The following RUVBL1 variants were observed in gnomAD, a reference collection of about 807,000 sequenced individuals.
RUVBL1 encodes the protein RuvB like AAA ATPase 1.
Under a neutral mutation model 52.4 loss-of-function variants are expected in RUVBL1, and 4 were observed. The ratio of observed to expected loss-of-function variants is 0.08; its 90% confidence interval spans 0.04 to 0.17. The LOEUF is 0.17. Ranked by LOEUF, RUVBL1 falls within the 10% of genes least tolerant of loss-of-function variation. RUVBL1 has a pLI of 1.00. For missense variants in RUVBL1, 298 were observed against 572.8 expected (o/e 0.52, Z 4.90); for synonymous variants, 217 against 214.4 (o/e 1.01, Z -0.10).
intron 2 of RUVBL1, among the ~76,000 whole-genome samples, chr3:128,115,853 C>T (rs1444628356): frequency 1.3e-5 from 2 of 152,138 alleles, no homozygotes; most frequent in Non-Finnish European, 2.9e-5. Flanking sequence ...GGACTGGGCA[C>T]GGTGGCTCAA....
chr3:128,151,881 G>T (rs1944222846), intron 1 of RUVBL1, among the ~76,000 whole-genome samples: 1 of 152,144 alleles, frequency 6.6e-6, no homozygotes, highest in African/African-American at 2.4e-5. Context: ...AGAGGGCAAA[G>T]GTAAGATCCT....
At position 128,064,959 on chromosome 3, in the gene RUVBL1, G is replaced by A. The variant is rs780054083; in HGVS notation, c.*253C>T. On this transcript the variant is annotated 3_prime_UTR_variant, in exon 10 of 10. Coordinates refer to the RUVBL1 transcript ENST00000464873. ...ACAAGGTCCGAGCCCTTCGGGAGGCGTTCTACCGCCAGAATCTTCCCAACC... is the reference window on the plus strand; with the variant it reads ...ACAAGGTCCGAGCCCTTCGGGAGGCATTCTACCGCCAGAATCTTCCCAACC... The A allele has an allele frequency of 2.7e-5, 43 of 1,614,090 alleles. No individual in the cohort carries two copies. The highest frequency in any genetic ancestry group is 1.6e-4 in the Middle Eastern group (1 of 6,084).
At chr3:128,126,308 G>T (rs1943790986), upstream of RUVBL1, among the ~76,000 whole-genome samples, 1 of 152,076 alleles carries the variant, frequency 6.6e-6, no homozygotes, top group African/African-American at 2.4e-5. Flanking sequence ...CACTCTGGGA[G>T]GCCGAGGCAG....
intron 1 of RUVBL1, among the ~76,000 whole-genome samples, chr3:128,149,110 C>T (rs991147490): frequency 1.3e-5 from 2 of 150,366 alleles, no homozygotes; most frequent in African/African-American, 4.9e-5. Flanking sequence ...TTTCTTTCTT[C>T]TTTTCCTTTC....
intron 1 of RUVBL1, among the ~76,000 whole-genome samples, chr3:128,149,611 T>C (rs1264321174): frequency 1.3e-5 from 2 of 152,250 alleles, no homozygotes. Flanking sequence ...TGCCTTTTCA[T>C]GAAGACTACT....
chr3:128,153,295 C>A (rs1944282864), exon 1 of RUVBL1: 1 of 1,358,408 alleles, frequency 7.4e-7, no homozygotes, highest in Admixed American at 3.9e-5. Context: ...GAGAGAGAAA[C>A]CCTGCCTACG....
At chr3:128,113,681 AG>A (rs759267878) in intron 2 of RUVBL1, among the ~76,000 whole-genome samples, 197 of 152,034 alleles carry the variant, frequency 1.3e-3, no homozygotes, top group Non-Finnish European at 2.1e-3. Context: ...TTTTTTCCTG[AG>A]TATTTTTGAT....
intron 2 of RUVBL1, among the ~76,000 whole-genome samples, chr3:128,117,476 A>T (rs4857837): frequency 6.6e-6 from 1 of 152,164 alleles, no homozygotes; most frequent in East Asian, 1.9e-4. Flanking sequence ...AGACGTTGTC[A>T]AAGTCCCCTG....
intron 1 of RUVBL1, among the ~76,000 whole-genome samples, chr3:128,147,655 G>A (rs1043967662): frequency 1.3e-5 from 2 of 152,116 alleles, no homozygotes; most frequent in Admixed American, 6.5e-5. Context: ...ACATTGCTGC[G>A]GGAATGTAAA....
exon 1 of RUVBL1, chr3:128,153,739 G>C: frequency 6.5e-7 from 1 of 1,538,552 alleles, no homozygotes; most frequent in East Asian, 2.5e-5. Flanking sequence ...GCCCGAGGCC[G>C]AGCCCGAGCC....
chr3:128,114,999 T>C (rs533136439), intron 2 of RUVBL1, among the ~76,000 whole-genome samples: 1 of 148,736 alleles, frequency 6.7e-6, no homozygotes, highest in African/African-American at 2.5e-5. Flanking sequence ...ATATGATAAA[T>C]ACTTGGTTAA....
intron 1 of RUVBL1, among the ~76,000 whole-genome samples, chr3:128,151,295 T>C (rs1944208065): frequency 6.8e-6 from 1 of 146,476 alleles, no homozygotes; most frequent in African/African-American, 2.5e-5. Context: ...ATATAAACTA[T>C]ATCAAGTGAT....
chr3:128,133,564 G>T (rs1178576975), intron 1 of RUVBL1, among the ~76,000 whole-genome samples: 1 of 152,204 alleles, frequency 6.6e-6, no homozygotes, highest in East Asian at 1.9e-4. Context: ...TTGTTCCTGG[G>T]AAAGTACGGG....
chr3:128,106,467 C>G lies in RUVBL1; in HGVS notation c.362-1543G>C, dbSNP rs142108670. On this transcript the variant is annotated intron_variant, in intron 3 of 10. Coordinates refer to ENST00000322623, the MANE Select transcript of RUVBL1 (RefSeq NM_003707.3). Reference sequence around the variant, plus strand: ...CTCAGTTTAAAACGTATCCCCCCCCCCTTCACACATTCTTCTTCCTCATCC... The same window carrying G: ...CTCAGTTTAAAACGTATCCCCCCCCGCTTCACACATTCTTCTTCCTCATCC... Among the ~76,000 whole-genome samples, 453 of 152,074 alleles carry G rather than the reference C, an allele frequency of 3.0e-3. 1 individual carries two copies. The highest frequency in any genetic ancestry group is 9.3e-3 in the African/African-American group (386 of 41,484).
Position 128,081,081 on chromosome 3 carries a change from G to A in RUVBL1, c.*169C>T, listed in dbSNP as rs1017966304. The stretch of plus-strand genomic sequence containing the variant: ...GAAGGGTTCTTTCAAAGCAACCACA[G>A]GAACAGTTACGATAACTTAAAAAGA... On this transcript the variant is annotated 3_prime_UTR_variant, in exon 11 of 11. Transcript: ENST00000322623. The surrounding 1 kb of genome is among the most constrained non-coding windows in gnomAD (Gnocchi z 4.8). 4 of 595,192 alleles carry A rather than the reference G, an allele frequency of 6.7e-6. No homozygotes were observed. In the African/African-American group the frequency reaches 7.4e-5, roughly 11 times the overall value. 36.9% of individuals were successfully genotyped at this position (595,192 alleles called of 1,614,324 possible).
At chr3:128,111,467 C>T (rs1943392517) in intron 3 of RUVBL1, among the ~76,000 whole-genome samples, 3 of 152,132 alleles carry the variant, frequency 2.0e-5, no homozygotes, top group African/African-American at 7.2e-5. Context: ...TCTTTCAGCC[C>T]CACATCTAAC....
At position 128,100,733 on chromosome 3, in the gene RUVBL1, C is replaced by A; in HGVS notation, c.615G>T (p.Arg205Ser). ...CGAATTCTGTGGCATAGGTATCACA[C>A]CTGCCCTGCCTCTGCAAAAAGAGAG... ...ANSGAVKRQG[R>S]CDTYATEFDL... The change falls in exon 6 of 11, where the codon AGG (arginine) becomes AGT (serine). Residue 205 changes from arginine to serine, a missense_variant. By Grantham distance (110) the Arg-to-Ser change is moderately radical. This residue lies in a region of RUVBL1 where 58 missense variants were observed against 83.2 expected (regional missense o/e 0.70). Transcript: ENST00000322623. 6.2e-7 allele frequency: 1 copy of A among 1,612,848 alleles called. No individual in the cohort carries two copies. Among genetic ancestry groups the A allele is most frequent in the Non-Finnish European group, 8.5e-7 (1 of 1,179,760 alleles).
upstream of RUVBL1, among the ~76,000 whole-genome samples, chr3:128,125,005 CTTTT>C (rs749620135): frequency 9.8e-5 from 6 of 61,352 alleles, no homozygotes; most frequent in African/African-American, 1.4e-4. Context: ...CTCACACCGC[CTTTT>C]TTTTTTTTTT....
chr3:128,082,560 A>C lies in RUVBL1; in HGVS notation c.1134T>G (p.Arg378=), dbSNP rs1346896860. The change falls in exon 10 of 11, where the codon CGT becomes CGG. Residue 378 remains arginine (R), a synonymous_variant. Coordinates refer to ENST00000322623, the MANE Select transcript of RUVBL1 (RefSeq NM_003707.3). The surrounding 1 kb of genome is among the most constrained non-coding windows in gnomAD (Gnocchi z 4.7). ...TGATGTTGATTCCTTCCGTCTGGGC[A>C]CGGATTTTAATGATCTTTTAAAGGA... The part of the protein sequence containing the change: ...PQEMKQIIKI[R]AQTEGINISE... The C allele has an allele frequency of 6.2e-7, 1 of 1,612,652 alleles. No individual in the cohort carries two copies. The highest frequency in any genetic ancestry group is 2.2e-5 in the East Asian group (1 of 44,858).
Sources: allele counts gnomAD v4.1 joint callset (sites outside exome capture counted in the v4.1 genomes callset), GRCh38; gene constraint gnomAD v4.1.1; regional missense constraint gnomAD v4.1.1; non-coding constraint Gnocchi (gnomAD v3.1); transcripts MANE v1.5; gene names NCBI Gene and HGNC (gene_info 2026-07-23, HGNC 2026-07-21).